Variants in NELL1 observed in about 807,000 individuals in gnomAD.
The protein encoded by NELL1 is neural EGFL like 1, also known as protein kinase C-binding protein NELL1.
In NELL1, 76 loss-of-function variants were observed where a neutral mutation model predicts 107.4. The ratio of observed to expected loss-of-function variants is 0.71; its 90% CI spans 0.59 to 0.86. The LOEUF (loss-of-function observed/expected upper bound fraction) is 0.86. NELL1 is among the 40% of genes least tolerant of loss of function. The probability of loss-of-function intolerance (pLI) is 0.00; values close to 1 mark genes in which losing one functional copy is unlikely to be tolerated. For synonymous variants in NELL1, 353 were observed against 341.2 expected, an observed-to-expected ratio of 1.03 and a Z score of -0.38; for missense variants, 1,024 against 1,005.5, an observed-to-expected ratio of 1.02 and a Z score of -0.25.
intron 12 of NELL1, among the ~76,000 whole-genome samples, chr11:21,039,645 A>T (rs1240768886): frequency 6.6e-6 from 1 of 152,230 alleles, no homozygotes; most frequent in East Asian, 1.9e-4. Context: ...AACATCTTCA[A>T]TATTATTATT....
chr11:21,313,539 A>G (rs1429570544), intron 14 of NELL1, among the ~76,000 whole-genome samples: 1 of 152,094 alleles, frequency 6.6e-6, no homozygotes, highest in Non-Finnish European at 1.5e-5. Flanking sequence ...GTCTTAGTCC[A>G]TTTTCTCTTT....
intron 16 of NELL1, among the ~76,000 whole-genome samples, chr11:21,549,848 G>T (rs1856532551): frequency 6.6e-6 from 1 of 151,640 alleles, no homozygotes; most frequent in Non-Finnish European, 1.5e-5. Flanking sequence ...AGGGAAGAGG[G>T]CCCAATGTAA....
chr11:21,150,666 G>T (rs1261763191), intron 13 of NELL1, among the ~76,000 whole-genome samples: 1 of 152,092 alleles, frequency 6.6e-6, no homozygotes, highest in Non-Finnish European at 1.5e-5. Context: ...TGAATCATCT[G>T]GGGTGGGCAA....
chr11:21,302,602 G>A (rs1032879463), intron 14 of NELL1, among the ~76,000 whole-genome samples: 2 of 152,084 alleles, frequency 1.3e-5, no homozygotes, highest in East Asian at 1.9e-4. Context: ...AGAAATGTAG[G>A]GGAATGGTTT....
chr11:20,999,503 C>T (rs1015360076), intron 12 of NELL1, among the ~76,000 whole-genome samples: 1 of 152,170 alleles, frequency 6.6e-6, no homozygotes, highest in South Asian at 2.1e-4. Context: ...AGAGACTCAA[C>T]TTATTCCTTA....
intron 14 of NELL1, among the ~76,000 whole-genome samples, chr11:21,347,029 T>C (rs2133713025): frequency 6.6e-6 from 1 of 152,336 alleles, no homozygotes; most frequent in South Asian, 2.1e-4. Context: ...CTCTATAAAC[T>C]TAACAATGCT....
At chr11:21,292,127 A>G (rs1486626706) in intron 14 of NELL1, among the ~76,000 whole-genome samples, 4 of 152,324 alleles carry the variant, frequency 2.6e-5, no homozygotes, top group African/African-American at 9.6e-5. Context: ...AAAGAGAGGA[A>G]GTCAAATTGT....
Position 20,887,973 on chromosome 11 carries a change from T to C in NELL1, c.603+2433T>C, listed in dbSNP as rs936605056. Among the ~76,000 whole-genome samples the C allele has an allele frequency of 1.6e-4, 24 of 152,150 alleles. No homozygotes were observed. The South Asian group carries it at 2.1e-3, about 13-fold the overall frequency. Reference sequence around the variant, plus strand: ...AAATTAGCAGGTAAAGAATTTTTTTTTAATTTTTTAAAAAACTTCTGTTTA... The same window carrying C: ...AAATTAGCAGGTAAAGAATTTTTTTCTAATTTTTTAAAAAACTTCTGTTTA... On this transcript the variant is annotated intron_variant, in intron 5 of 19. Coordinates refer to ENST00000357134, the MANE Select transcript of NELL1 (RefSeq NM_006157.5).
chr11:21,290,428 TAA>T (rs1242160754), intron 14 of NELL1, among the ~76,000 whole-genome samples: 1 of 150,800 alleles, frequency 6.6e-6, no homozygotes, highest in African/African-American at 2.4e-5. Flanking sequence ...AATAAATAAA[TAA>T]ATATTCCTTC....
chr11:20,998,635 C>T, intron 12 of NELL1, among the ~76,000 whole-genome samples: 1 of 152,184 alleles, frequency 6.6e-6, no homozygotes, highest in East Asian at 1.9e-4. Context: ...GCCAAAGCAG[C>T]AGCTAATTTA....
intron 17 of NELL1, among the ~76,000 whole-genome samples, chr11:21,565,269 G>T (rs916122887): frequency 6.6e-6 from 1 of 151,800 alleles, no homozygotes; most frequent in Non-Finnish European, 1.5e-5. Flanking sequence ...AACTCTAGGG[G>T]TCCTGTAAAG....
Position 21,346,454 on chromosome 11 carries a change from G to A in NELL1, c.1550-24399G>A, listed in dbSNP as rs547704961. 1.5e-3 allele frequency among the ~76,000 whole-genome samples: 226 copies of A among 150,442 alleles called. 1 individual carries two copies. Among genetic ancestry groups the A allele is most frequent in the African/African-American group, 5.3e-3 (217 of 41,066 alleles). On this transcript the variant is annotated intron_variant, in intron 14 of 19. Coordinates refer to ENST00000357134, the MANE Select transcript of NELL1 (RefSeq NM_006157.5). ...ATATAAATGGAGAGAAAGGGTAAGA[G>A]GGATTCCTGAAATAAATTATATCAA... is the stretch of plus-strand genomic sequence containing the variant.
intron 13 of NELL1, among the ~76,000 whole-genome samples, chr11:21,209,577 A>C (rs1168550153): frequency 1.3e-5 from 2 of 151,990 alleles, no homozygotes; most frequent in Non-Finnish European, 2.9e-5. Context: ...CTTTCTCCTT[A>C]ATAATTTTTA....
intron 14 of NELL1, among the ~76,000 whole-genome samples, chr11:21,354,157 T>C (rs1235288965): frequency 6.6e-6 from 1 of 151,996 alleles, no homozygotes; most frequent in Non-Finnish European, 1.5e-5. Flanking sequence ...ATGGCATATG[T>C]GAGATTTGTG....
chr11:21,183,082 C>A (rs1172815860), intron 13 of NELL1, among the ~76,000 whole-genome samples: 2 of 151,908 alleles, frequency 1.3e-5, no homozygotes, highest in African/African-American at 2.4e-5. Context: ...CCAGTCCCAG[C>A]ACCACAAAGC....
At chr11:21,389,392 C>T (rs1272528267) in intron 15 of NELL1, among the ~76,000 whole-genome samples, 1 of 151,726 alleles carries the variant, frequency 6.6e-6, no homozygotes, top group Admixed American at 6.6e-5. Flanking sequence ...TCTTTCTCTC[C>T]TCAATTCTTA....
chr11:20,674,161 C>T (rs543133694), intron 1 of NELL1, among the ~76,000 whole-genome samples: 4 of 152,176 alleles, frequency 2.6e-5, no homozygotes, highest in South Asian at 4.2e-4. Flanking sequence ...AGTTGGGGAG[C>T]GAATATACAT....
At chr11:20,996,506 T>C in intron 12 of NELL1, among the ~76,000 whole-genome samples, 2 of 152,204 alleles carry the variant, frequency 1.3e-5, no homozygotes, top group East Asian at 3.9e-4. Flanking sequence ...TTTGCTCACC[T>C]GCCTGGGCGG....
chr11:21,134,772 G>A (rs1283705989), intron 13 of NELL1, among the ~76,000 whole-genome samples: 2 of 152,174 alleles, frequency 1.3e-5, no homozygotes, highest in Non-Finnish European at 2.9e-5. Flanking sequence ...ATTAAATAGA[G>A]CGTGCTTTGA....
Sources: allele counts gnomAD v4.1 joint callset (sites outside exome capture counted in the v4.1 genomes callset), GRCh38; gene constraint gnomAD v4.1.1; transcripts MANE v1.5; gene names NCBI Gene and HGNC (gene_info 2026-07-23, HGNC 2026-07-21).